The following SLC14A2 variants were observed in gnomAD, a reference collection of about 807,000 sequenced individuals.
SLC14A2 encodes the protein urea transporter 2.
SLC14A2 carries 91 observed loss-of-function variants against 104.6 expected under a neutral mutation model. The ratio of observed to expected loss-of-function variants is 0.87; its 90% CI spans 0.73 to 1.04. SLC14A2 has a LOEUF of 1.04. Ranked by LOEUF, SLC14A2 falls within the 50% of genes least tolerant of loss-of-function variation. The pLI is 0.00. For missense variants in SLC14A2, 1,189 were observed against 1,156.0 expected (o/e 1.03, Z -0.41); for synonymous variants, 476 against 466.4 (o/e 1.02, Z -0.27).
At chr18:45,542,963 T>G (rs1339954859) in intron 2 of SLC14A2, among the ~76,000 whole-genome samples, 1 of 152,178 alleles carries the variant, frequency 6.6e-6, no homozygotes, top group Non-Finnish European at 1.5e-5. Flanking sequence ...CGTCTCTTTT[T>G]TTTGAGATGG....
intron 1 of SLC14A2, among the ~76,000 whole-genome samples, chr18:45,364,193 C>G (rs1342329050): frequency 6.6e-6 from 1 of 152,184 alleles, no homozygotes; most frequent in East Asian, 1.9e-4. Flanking sequence ...ATTCCCTGCT[C>G]TAGATGGCTG....
rs186826654 is a variant in SLC14A2, at chr18:45,452,278, T to A, written c.-124-30955T>A. On this transcript the variant is annotated intron_variant, in intron 1 of 20. Coordinates refer to the SLC14A2 transcript ENST00000586448. The stretch of plus-strand genomic sequence containing the variant: ...CCTATAAAATATGAAACCCAGCACT[T>A]GGGGTACTAACAACCCAAAATACAA... Among the ~76,000 whole-genome samples the A allele has an allele frequency of 2.0e-5, 3 of 152,338 alleles. No individual in the cohort carries two copies. In the East Asian group the frequency reaches 5.8e-4, roughly 29 times the overall value.
At chr18:45,284,457 A>G (rs543841123) in intron 1 of SLC14A2, among the ~76,000 whole-genome samples, 23 of 152,204 alleles carry the variant, frequency 1.5e-4, no homozygotes, top group African/African-American at 5.5e-4. Context: ...TTCATGCTCT[A>G]GGTCTCTACT....
At chr18:45,214,599 G>A (rs1033780419) in intron 1 of SLC14A2, among the ~76,000 whole-genome samples, 1 of 151,998 alleles carries the variant, frequency 6.6e-6, no homozygotes, top group Non-Finnish European at 1.5e-5. Flanking sequence ...ATTTTATGTA[G>A]CATAATCCAT....
At chr18:45,424,682 A>C (rs987548252) in intron 1 of SLC14A2, among the ~76,000 whole-genome samples, 3 of 152,214 alleles carry the variant, frequency 2.0e-5, no homozygotes, top group Non-Finnish European at 2.9e-5. Flanking sequence ...CTCTATTATA[A>C]CGTGTTTACA....
At chr18:45,603,199 G>A (rs2044816931) in intron 2 of SLC14A2, among the ~76,000 whole-genome samples, 4 of 152,102 alleles carry the variant, frequency 2.6e-5, no homozygotes, top group Non-Finnish European at 5.9e-5. Flanking sequence ...TCACAACAGT[G>A]AGAAATGGAA....
At chr18:45,317,063 A>G (rs2085136499) in intron 1 of SLC14A2, among the ~76,000 whole-genome samples, 1 of 152,180 alleles carries the variant, frequency 6.6e-6, no homozygotes, top group Non-Finnish European at 1.5e-5. Flanking sequence ...CTGATTCCAA[A>G]TTCTGAGCTG....
chr18:45,566,112 A>C (rs573870571), intron 2 of SLC14A2, among the ~76,000 whole-genome samples: 3 of 152,352 alleles, frequency 2.0e-5, no homozygotes, highest in Non-Finnish European at 4.4e-5. Context: ...AAAATGTGGA[A>C]TAACCCAAAT....
intron 2 of SLC14A2, among the ~76,000 whole-genome samples, chr18:45,602,384 G>T (rs1411578135): frequency 6.6e-6 from 1 of 152,152 alleles, no homozygotes; most frequent in Admixed American, 6.5e-5. Context: ...TAATGAAGGT[G>T]GAAGAAGATC....
intron 1 of SLC14A2, among the ~76,000 whole-genome samples, chr18:45,393,156 C>A (rs2085990432): frequency 6.6e-6 from 1 of 151,998 alleles, no homozygotes; most frequent in South Asian, 2.1e-4. Context: ...AACAGAAAGA[C>A]AAAAAGCTTA....
intron 1 of SLC14A2, among the ~76,000 whole-genome samples, chr18:45,290,911 T>G (rs1283952704): frequency 6.6e-6 from 1 of 152,216 alleles, no homozygotes; most frequent in East Asian, 1.9e-4. Context: ...ATTAGGGGCA[T>G]TAGAGACCAT....
At chr18:45,401,015 G>T (rs2086090083) in intron 1 of SLC14A2, among the ~76,000 whole-genome samples, 2 of 152,128 alleles carry the variant, frequency 1.3e-5, no homozygotes, top group Non-Finnish European at 1.5e-5. Flanking sequence ...AGGATCCCTT[G>T]TTCTTTTCAG....
At position 45,280,215 on chromosome 18, in the gene SLC14A2, G is replaced by T. The variant is rs545631673; in HGVS notation, c.-125+67024G>T. Among the ~76,000 whole-genome samples, 388 of 152,256 alleles carry T rather than the reference G, an allele frequency of 2.5e-3. 3 individuals are homozygous for T. The highest frequency in any genetic ancestry group is 9.1e-3 in the African/African-American group (376 of 41,538). On this transcript the variant is annotated intron_variant, in intron 1 of 20. Coordinates refer to the SLC14A2 transcript ENST00000586448. ...AAGGAACCTTCCTGACCTCAATGGG[G>T]TTGTAGCCCCACTGCCTGCCAGGAG...
At chr18:45,615,817 A>ATGTGTG (rs34832879) in intron 1 of SLC14A2, among the ~76,000 whole-genome samples, 4 of 147,504 alleles carry the variant, frequency 2.7e-5, no homozygotes, top group South Asian at 2.2e-4. Flanking sequence ...GTAGGGGTGT[A>ATGTGTG]TGTGTGTGTG....
chr18:45,385,285 G>A (rs2085882995), intron 1 of SLC14A2, among the ~76,000 whole-genome samples: 1 of 152,208 alleles, frequency 6.6e-6, no homozygotes, highest in Admixed American at 6.5e-5. Context: ...GGTTGATAAC[G>A]CTTTCGAGTG....
intron 1 of SLC14A2, among the ~76,000 whole-genome samples, chr18:45,342,949 C>T (rs2085410619): frequency 6.6e-6 from 1 of 152,122 alleles, no homozygotes; most frequent in Non-Finnish European, 1.5e-5. Context: ...ATTATTCAGA[C>T]CTTTAATCAG....
rs2044700539 is a variant in SLC14A2, at chr18:45,594,957, C to T, written c.-34-29674C>T. Among the ~76,000 whole-genome samples the T allele has an allele frequency of 3.3e-5, 5 of 152,158 alleles. No individual in the cohort carries two copies. In the South Asian group the frequency reaches 1.0e-3, roughly 32 times the overall value. On this transcript the variant is annotated intron_variant, in intron 2 of 20. Transcript: ENST00000586448. ...CCACCGACCCCCAACCCCTGTGAGA[C>T]TTCATCCCCTTCAGAAATGACTGCT... is the stretch of plus-strand genomic sequence containing the variant.
At chr18:45,421,865 C>A (rs928365322) in intron 1 of SLC14A2, among the ~76,000 whole-genome samples, 2 of 152,190 alleles carry the variant, frequency 1.3e-5, no homozygotes, top group African/African-American at 4.8e-5. Flanking sequence ...GCTGAATGAT[C>A]ATGCCTGGAC....
chr18:45,414,700 A>T (rs1465956941), intron 1 of SLC14A2, among the ~76,000 whole-genome samples: 2 of 144,336 alleles, frequency 1.4e-5, no homozygotes, highest in African/African-American at 5.1e-5. Flanking sequence ...TCTAGGATAC[A>T]GTGGGCCTTT....
Sources: gnomAD v4.1 joint callset for allele counts (sites outside exome capture counted in the v4.1 genomes callset) on GRCh38, gnomAD v4.1.1 for gene constraint, MANE v1.5 for transcripts, NCBI Gene and HGNC (gene_info 2026-07-23, HGNC 2026-07-21) for gene names.